Variants in WDR4 observed in about 807,000 individuals in gnomAD.
The protein encoded by WDR4 is tRNA (guanine-N(7)-)-methyltransferase non-catalytic subunit WDR4.
Under a neutral mutation model 48.6 loss-of-function variants are expected in WDR4, and 47 were observed. The ratio of observed to expected loss-of-function variants is 0.97; its 90% confidence interval spans 0.77 to 1.23. The LOEUF is 1.23. WDR4 is among the 50% of genes most tolerant of loss of function. WDR4 has a pLI of 0.00. For synonymous variants in WDR4, 268 were observed against 230.0 expected, an observed-to-expected ratio of 1.17 and a Z score of -1.49; for missense variants, 606 against 551.6, an observed-to-expected ratio of 1.10 and a Z score of -0.99.
intron 2 of WDR4, among the ~76,000 whole-genome samples, chr21:42,874,499 C>T (rs199962035): frequency 1.3e-5 from 2 of 152,150 alleles, no homozygotes; most frequent in East Asian, 1.9e-4. Context: ...GTGAGCCAGG[C>T]GGAACAGAGC....
At chr21:42,891,890 G>A in the WDR4 span, among the ~76,000 whole-genome samples, 21 of 151,660 alleles carry the variant, frequency 1.4e-4, no homozygotes, top group Admixed American at 6.6e-4. Flanking sequence ...CTAGGAAGTG[G>A]AGCTTGCAGT....
At chr21:42,884,646 C>CA in the WDR4 span, among the ~76,000 whole-genome samples, 71 of 141,398 alleles carry the variant, frequency 5.0e-4, no homozygotes, top group South Asian at 3.2e-3. Context: ...GACTCCACCT[C>CA]AAAAAAAAAA....
At chr21:42,891,690 G>A in the WDR4 span, among the ~76,000 whole-genome samples, 5 of 152,200 alleles carry the variant, frequency 3.3e-5, no homozygotes, top group Non-Finnish European at 5.9e-5. Flanking sequence ...GGGTGTAGTG[G>A]CTCACGCCTG....
At chr21:42,844,408 GAGAT>G (rs1004068176), downstream of WDR4, among the ~76,000 whole-genome samples, 2 of 152,188 alleles carry the variant, frequency 1.3e-5, no homozygotes, top group African/African-American at 2.4e-5. Flanking sequence ...TATCAGTCAA[GAGAT>G]AGAAACATTT....
In WDR4 at chr21:42,854,797, CCT is replaced by C. The variant is rs536367076; in HGVS notation, c.727-173_727-172del. On this transcript the variant is annotated intron_variant, in intron 7 of 10. Coordinates refer to ENST00000398208, the MANE Select transcript of WDR4 (RefSeq NM_018669.6). ...GTGGGGAAAGGAGGGTAGCTGATTC[CCT>C]GTTTCCCAAGCAGATGACAAAAGCC... Among the ~76,000 whole-genome samples, 42 of 152,152 alleles carry C rather than the reference CCT, an allele frequency of 2.8e-4. 1 individual carries two copies. The East Asian group carries it at 5.2e-3, about 19-fold the overall frequency.
intron 9 of WDR4, among the ~76,000 whole-genome samples, chr21:42,852,749 C>G (rs1386299602): frequency 6.6e-6 from 1 of 152,160 alleles, no homozygotes; most frequent in East Asian, 1.9e-4. Flanking sequence ...AACCCCGTCT[C>G]TACTAAAAAT....
chr21:42,852,253 A>C lies in WDR4; in HGVS notation c.1045+2T>G. On this transcript the variant is annotated splice_donor_variant, in intron 10 of 10. Transcript: ENST00000398208. LOFTEE classifies it high-confidence loss of function. ...AAGGGCAGCCTGCACCCGTGCTCTC[A>C]CCTTCCAGCATGGCCCAGTTCCCAC... is the stretch of plus-strand genomic sequence containing the variant. 6.2e-7 allele frequency: 1 copy of C among 1,613,992 alleles called. No individual in the cohort carries two copies. The highest frequency in any genetic ancestry group is 1.1e-5 in the South Asian group (1 of 91,046).
At position 42,864,126 on chromosome 21, in the gene WDR4, A is replaced by G. The variant is rs867079911; in HGVS notation, c.297-530T>C. Among the ~76,000 whole-genome samples, 1,150 of 144,004 alleles carry G rather than the reference A, an allele frequency of 8.0e-3. 30 individuals are homozygous for G. Among genetic ancestry groups the G allele is most frequent in the African/African-American group, 0.029 (1,047 of 36,182 alleles). The allele number at this position is 144,004 out of a possible 152,430, so 94.5% of individuals were successfully genotyped here. A position where few individuals can be genotyped will look rare whatever the true frequency, so the allele number is the denominator to read the frequency against. On this transcript the variant is annotated intron_variant, in intron 3 of 10. Transcript: ENST00000398208. ...CCGTCTCAAAAAAAAAAAAAAAAAA[A>G]AAAAGAAAAGAATAGAAAATTGCTC...
intron 2 of WDR4, 97 bp from the exon 3 acceptor site, chr21:42,873,788 T>C (rs1051470154): frequency 2.3e-5 from 33 of 1,456,496 alleles, no homozygotes; most frequent in Middle Eastern, 1.8e-4. Flanking sequence ...TGGGAGGAGG[T>C]AGAAACTGTT....
rs767928865 is a variant in WDR4 at position 42,855,644 on chromosome 21, A to G, written c.726+38T>C. On this transcript the variant is annotated intron_variant, in intron 7 of 10. Coordinates refer to ENST00000398208, the MANE Select transcript of WDR4 (RefSeq NM_018669.6). ...AAGTCAGGCGACTGCCGGTGTCTACAAGCACTCAGTCGCCCAGGAGTGAAC... is the reference window on the plus strand; with the variant it reads ...AAGTCAGGCGACTGCCGGTGTCTACGAGCACTCAGTCGCCCAGGAGTGAAC... 2.0e-5 allele frequency: 30 copies of G among 1,483,796 alleles called. No homozygotes were observed. In the South Asian group the frequency reaches 3.5e-4, roughly 17 times the overall value. 91.9% of individuals were successfully genotyped at this position (1,483,796 alleles called of 1,614,324 possible). A position where few individuals can be genotyped will look rare whatever the true frequency, so the allele number is the denominator to read the frequency against.
chr21:42,885,241 C>G, the WDR4 span, among the ~76,000 whole-genome samples: 1 of 152,134 alleles, frequency 6.6e-6, no homozygotes, highest in South Asian at 2.1e-4. Context: ...CTCACATTTT[C>G]CCCCTTCTCC....
rs867077508 is a variant in WDR4, at chr21:42,862,501, T to C, written c.454-107A>G. 12 of 1,034,116 alleles carry C rather than the reference T, an allele frequency of 1.2e-5. No homozygotes were observed. In the Middle Eastern group the frequency reaches 1.1e-3, roughly 95 times the overall value. The allele number at this position is 1,034,116 out of a possible 1,614,324, so 64.1% of individuals were successfully genotyped here. A position where few individuals can be genotyped will look rare whatever the true frequency, so the allele number is the denominator to read the frequency against. On this transcript the variant is annotated intron_variant, in intron 4 of 10. Transcript: ENST00000398208. The surrounding 1 kb of genome is among the most constrained non-coding windows in gnomAD (Gnocchi z 4.3). Reference sequence around the variant, plus strand: ...AGCTGCAGCCTGGCCGCCAAGAGGATGAGGCCTTCGAGGACAGACCAGCGT... The same window carrying C: ...AGCTGCAGCCTGGCCGCCAAGAGGACGAGGCCTTCGAGGACAGACCAGCGT...
chr21:42,886,787 T>G, the WDR4 span: 3 of 152,270 alleles, frequency 2.0e-5, no homozygotes, highest in Non-Finnish European at 4.4e-5. Context: ...AAGTCTTAAC[T>G]TTTTATAAAC....
rs1215368645 is a variant in WDR4 at position 42,854,631 on chromosome 21, AAGG to A, written c.727-8_727-6del. The A allele has an allele frequency of 1.9e-6, 3 of 1,613,122 alleles. No individual in the cohort carries two copies. Among genetic ancestry groups the A allele is most frequent in the African/African-American group, 1.3e-5 (1 of 74,906 alleles). On this transcript the variant is annotated splice_polypyrimidine_tract_variant and splice_region_variant and intron_variant, in intron 7 of 10. Coordinates refer to ENST00000398208, the MANE Select transcript of WDR4 (RefSeq NM_018669.6). ...AATCCTGGACGCGGCAAACTTCTAAAAGGAGAAGAAGCCCATTAACTTCACGCC... is the reference window on the plus strand; with the variant it reads ...AATCCTGGACGCGGCAAACTTCTAAAAGAAGAAGCCCATTAACTTCACGCC...
chr21:42,867,394 A>C (rs550309471), intron 3 of WDR4, among the ~76,000 whole-genome samples: 7 of 142,192 alleles, frequency 4.9e-5, no homozygotes, highest in East Asian at 2.1e-4. Context: ...CCGCTCCACC[A>C]AAAAAAAAAA....
intron 3 of WDR4, among the ~76,000 whole-genome samples, chr21:42,866,081 G>A (rs931322894): frequency 3.3e-5 from 5 of 152,126 alleles, no homozygotes; most frequent in Non-Finnish European, 7.3e-5. Context: ...TCTCACAGTT[G>A]TTTTCGGAAA....
chr21:42,865,992 C>A (rs1294940438), intron 3 of WDR4, among the ~76,000 whole-genome samples: 1 of 152,154 alleles, frequency 6.6e-6, no homozygotes, highest in Non-Finnish European at 1.5e-5. Flanking sequence ...CTCCAGCAGC[C>A]AGGTGCTCTC....
intron 3 of WDR4, among the ~76,000 whole-genome samples, chr21:42,869,877 G>T (rs1420183520): frequency 6.6e-6 from 1 of 152,028 alleles, no homozygotes; most frequent in African/African-American, 2.4e-5. Flanking sequence ...GCCGGTCGTG[G>T]TGGTGCATGC....
At chr21:42,863,690 T>C (rs1055874618) in intron 3 of WDR4, 94 bp from the exon 4 acceptor site, 59 of 1,365,598 alleles carry the variant, frequency 4.3e-5, no homozygotes, top group Non-Finnish European at 5.5e-5. Context: ...CAGGCACCGG[T>C]ACCTGGCCAT....
Sources: allele counts gnomAD v4.1 joint callset (sites outside exome capture counted in the v4.1 genomes callset), GRCh38; gene constraint gnomAD v4.1.1; non-coding constraint Gnocchi (gnomAD v3.1); transcripts MANE v1.5; gene names NCBI Gene and HGNC (gene_info 2026-07-23, HGNC 2026-07-21).